Variants in RAPGEF4 observed in about 807,000 individuals in gnomAD.
The protein encoded by RAPGEF4 is RAP guanine-nucleotide-exchange factor (GEF) 4.
In RAPGEF4, 66 loss-of-function variants were observed where a neutral mutation model predicts 147.9. The ratio of observed to expected loss-of-function variants is 0.45; its 90% CI spans 0.37 to 0.55. The LOEUF (loss-of-function observed/expected upper bound fraction) is 0.55, where lower values mean the gene tolerates loss of function less well. Among genes scored for constraint, RAPGEF4 ranks in the 20% least tolerant of loss-of-function variants. The pLI is 0.00. For missense variants in RAPGEF4, 1,071 were observed against 1,257.3 expected (o/e 0.85, Z 2.24); for synonymous variants, 419 against 442.7 (o/e 0.95, Z 0.67).
intron 26 of RAPGEF4, 35 bp downstream of exon 26, chr2:173,030,289 C>A: frequency 6.6e-7 from 1 of 1,522,476 alleles, no homozygotes; most frequent in Non-Finnish European, 9.1e-7. Flanking sequence ...GTGACTTTTG[C>A]CTTAGGAATA....
At chr2:173,016,528 C>T in intron 19 of RAPGEF4, 91 bp downstream of exon 19, 4 of 1,041,318 alleles carry the variant, frequency 3.8e-6, no homozygotes, top group Non-Finnish European at 5.9e-6. Context: ...CTGGTCTTTC[C>T]ATAGCCATGC....
At chr2:173,036,496 A>G in intron 28 of RAPGEF4, 132 bp from the exon 29 acceptor site, 2 of 731,456 alleles carry the variant, frequency 2.7e-6, no homozygotes, top group Non-Finnish European at 4.5e-6. Context: ...CTAGCATTAA[A>G]GGAACTATTA....
At chr2:172,889,553 A>C (rs1226114557) in intron 4 of RAPGEF4, among the ~76,000 whole-genome samples, 1 of 152,014 alleles carries the variant, frequency 6.6e-6, no homozygotes, top group Non-Finnish European at 1.5e-5. Flanking sequence ...AGTAATTCCC[A>C]CTCACAGAAC....
rs528483322 is a variant in RAPGEF4, at chr2:172,806,211, G to C, written c.298-8068G>C. Reference sequence around the variant, plus strand: ...TCTTTACCTCTCAAAAAGTAAAAAGGCTTTTCCAGTCATAGGAAAGAAGAA... The same window carrying C: ...TCTTTACCTCTCAAAAAGTAAAAAGCCTTTTCCAGTCATAGGAAAGAAGAA... On this transcript the variant is annotated intron_variant, in intron 3 of 30. Transcript: ENST00000397081. Among the ~76,000 whole-genome samples, 328 of 152,128 alleles carry C rather than the reference G, an allele frequency of 2.2e-3. 5 individuals carry two copies. Among genetic ancestry groups the C allele is most frequent in the South Asian group, 2.3e-3 (11 of 4,820 alleles).
chr2:172,910,391 C>T (rs1158193030), intron 4 of RAPGEF4, among the ~76,000 whole-genome samples: 1 of 152,218 alleles, frequency 6.6e-6, no homozygotes, highest in Non-Finnish European at 1.5e-5. Flanking sequence ...ATCTTCCAGC[C>T]CTGCTTATTC....
At chr2:172,836,551 TG>T (rs1690956268) in intron 4 of RAPGEF4, among the ~76,000 whole-genome samples, 1 of 152,188 alleles carries the variant, frequency 6.6e-6, no homozygotes, top group African/African-American at 2.4e-5. Flanking sequence ...TGTCCTGAGG[TG>T]TGGCGTCCTT....
At chr2:172,855,560 G>A (rs539268176) in intron 4 of RAPGEF4, among the ~76,000 whole-genome samples, 29 of 152,196 alleles carry the variant, frequency 1.9e-4, no homozygotes, top group Admixed American at 1.6e-3. Flanking sequence ...CTAACCATCT[G>A]GTGTCTTTTA....
At chr2:172,817,512 A>G (rs1688619094) in intron 4 of RAPGEF4, among the ~76,000 whole-genome samples, 1 of 152,202 alleles carries the variant, frequency 6.6e-6, no homozygotes, top group South Asian at 2.1e-4. Flanking sequence ...CTGAAGCCTA[A>G]GTCAGCTAGA....
chr2:172,835,857 G>C (rs1690868408), intron 4 of RAPGEF4, among the ~76,000 whole-genome samples: 2 of 152,130 alleles, frequency 1.3e-5, no homozygotes, highest in South Asian at 4.1e-4. Context: ...AGGGAAGATT[G>C]AGATCCAGAA....
At chr2:173,003,043 A>G (rs1694089505) in intron 17 of RAPGEF4, among the ~76,000 whole-genome samples, 1 of 152,204 alleles carries the variant, frequency 6.6e-6, no homozygotes, top group South Asian at 2.1e-4. Context: ...GATAAGCCTA[A>G]GGCAAACAAA....
intron 1 of RAPGEF4, among the ~76,000 whole-genome samples, chr2:172,779,425 T>C (rs1559037083): frequency 6.6e-6 from 1 of 152,158 alleles, no homozygotes. Context: ...ATAGTATCCC[T>C]GGCAGAAGGA....
intron 10 of RAPGEF4, among the ~76,000 whole-genome samples, chr2:172,982,139 G>A (rs59492040): frequency 1.3e-5 from 2 of 152,036 alleles, no homozygotes; most frequent in South Asian, 2.1e-4. Flanking sequence ...ATTTTCAGAC[G>A]CTAAATCTAG....
intron 4 of RAPGEF4, among the ~76,000 whole-genome samples, chr2:172,852,172 A>G (rs1284977950): frequency 6.6e-6 from 1 of 152,208 alleles, no homozygotes; most frequent in Non-Finnish European, 1.5e-5. Context: ...ACCACATTGT[A>G]GCACATTTCA....
intron 4 of RAPGEF4, among the ~76,000 whole-genome samples, chr2:172,850,342 G>A (rs940496188): frequency 1.3e-5 from 2 of 152,136 alleles, no homozygotes; most frequent in Non-Finnish European, 2.9e-5. Flanking sequence ...ATCAGGCCAG[G>A]CGTGGTGGCT....
At chr2:172,985,299 C>T in intron 11 of RAPGEF4, 134 bp from the exon 12 acceptor site, 2 of 1,206,500 alleles carry the variant, frequency 1.7e-6, no homozygotes. Flanking sequence ...ATGAGAGCAG[C>T]AGCAAGAGAG....
intron 29 of RAPGEF4, among the ~76,000 whole-genome samples, chr2:173,045,380 C>T (rs1183763011): frequency 7.2e-5 from 11 of 152,190 alleles, no homozygotes; most frequent in African/African-American, 2.7e-4. Flanking sequence ...TTTCTCTGCA[C>T]TTTACAATTT....
chr2:173,014,423 G>A, intron 17 of RAPGEF4, 41 bp from the exon 18 acceptor site: 1 of 1,611,322 alleles, frequency 6.2e-7, no homozygotes, highest in Non-Finnish European at 8.5e-7. Flanking sequence ...CATGTGAAAT[G>A]AGTGTGAAAT....
At chr2:172,933,886 G>A (rs1445981512) in intron 6 of RAPGEF4, among the ~76,000 whole-genome samples, 4 of 152,172 alleles carry the variant, frequency 2.6e-5, no homozygotes, top group African/African-American at 4.8e-5. Flanking sequence ...GTAGAGGGAT[G>A]TTATTTGTAA....
chr2:172,988,659 G>A (rs757878023), intron 13 of RAPGEF4, 34 bp from the exon 14 acceptor site: 1 of 1,589,934 alleles, frequency 6.3e-7, no homozygotes, highest in Non-Finnish European at 8.6e-7. Flanking sequence ...CTATTTCAGG[G>A]ATCTTCTTCA....
Sources: allele counts gnomAD v4.1 joint callset (sites outside exome capture counted in the v4.1 genomes callset), GRCh38; gene constraint gnomAD v4.1.1; transcripts MANE v1.5; gene names NCBI Gene and HGNC (gene_info 2026-07-23, HGNC 2026-07-21).